Variants in GFRA1 observed in about 807,000 individuals in gnomAD.
GFRA1 encodes the protein GDNF family receptor alpha-1.
Under a neutral mutation model 51.6 loss-of-function variants are expected in GFRA1, and 16 were observed. The observed-to-expected ratio is 0.31, with a 90% CI of 0.21 to 0.47. The LOEUF is 0.47. GFRA1 is among the 20% of genes least tolerant of loss of function. The pLI is 1.00. For synonymous variants in GFRA1, 270 were observed against 241.3 expected, an observed-to-expected ratio of 1.12 and a Z score of -1.10; for missense variants, 530 against 594.3, an observed-to-expected ratio of 0.89 and a Z score of 1.13.
At chr10:116,171,730 G>A (rs972833034) in intron 5 of GFRA1, among the ~76,000 whole-genome samples, 15 of 152,158 alleles carry the variant, frequency 9.9e-5, no homozygotes, top group African/African-American at 4.8e-5. Flanking sequence ...TGTTGGCAGC[G>A]GCTTTCCTTG....
chr10:116,199,582 C>T (rs918434162), intron 5 of GFRA1, among the ~76,000 whole-genome samples: 1 of 152,236 alleles, frequency 6.6e-6, no homozygotes, highest in African/African-American at 2.4e-5. Flanking sequence ...CTATCCACCT[C>T]TCTATCCATC....
At chr10:116,226,581 C>A (rs1966308590) in intron 4 of GFRA1, among the ~76,000 whole-genome samples, 1 of 151,820 alleles carries the variant, frequency 6.6e-6, no homozygotes, top group South Asian at 2.1e-4. Flanking sequence ...TTTTTGGCAC[C>A]AGGGACTGGT....
In GFRA1 at chr10:116,089,793, C is replaced by G. The variant is rs188589811; in HGVS notation, c.1145G>C (p.Gly382Ala). ...RVKNKPLGPA[G>A]SENEIPTHVL... ...ATGAGTGGGAATTTCATTCTCAGAC[C>G]CTGCTGGCCCCAGGGGCTTGTTCTT... The change falls in exon 9 of 11, where the codon GGG (glycine) becomes GCG (alanine). Residue 382 changes from glycine to alanine, a missense_variant. Transcript: ENST00000355422. The G allele has an allele frequency of 4.2e-5, 68 of 1,614,074 alleles. No individual in the cohort carries two copies. The highest frequency in any genetic ancestry group is 3.5e-4 in the Admixed American group (21 of 60,018).
At chr10:116,091,613 A>C (rs1367756551) in intron 8 of GFRA1, among the ~76,000 whole-genome samples, 1 of 152,202 alleles carries the variant, frequency 6.6e-6, no homozygotes, top group East Asian at 1.9e-4. Context: ...TTCCTCCCCC[A>C]AACTAGAAAT....
intron 6 of GFRA1, among the ~76,000 whole-genome samples, chr10:116,122,286 T>C (rs528233523): frequency 1.1e-4 from 17 of 152,206 alleles, no homozygotes; most frequent in African/African-American, 4.1e-4. Context: ...AGCCCAGGGA[T>C]CCTTCACCCC....
intron 4 of GFRA1, among the ~76,000 whole-genome samples, chr10:116,246,536 G>T (rs1037726354): frequency 6.6e-6 from 1 of 152,028 alleles, no homozygotes; most frequent in African/African-American, 2.4e-5. Flanking sequence ...TACAACATAG[G>T]CTAGTAATTA....
chr10:116,128,365 G>A (rs528898763), intron 5 of GFRA1, among the ~76,000 whole-genome samples: 37 of 152,200 alleles, frequency 2.4e-4, no homozygotes, highest in African/African-American at 8.4e-4. Context: ...AAGTCAACAC[G>A]TAACATCTAG....
intron 5 of GFRA1, among the ~76,000 whole-genome samples, chr10:116,144,766 T>C (rs77758294): frequency 0.036 from 5,427 of 152,110 alleles, 334 homozygotes; most frequent in African/African-American, 0.12. Context: ...CATAGGAGAT[T>C]ATGATTTTGA....
intron 9 of GFRA1, among the ~76,000 whole-genome samples, chr10:116,089,498 A>G (rs1428329881): frequency 6.6e-6 from 1 of 152,188 alleles, no homozygotes; most frequent in Non-Finnish European, 1.5e-5. Flanking sequence ...AGGTAAAGAA[A>G]GTAGGGCCAG....
chr10:116,207,382 T>C (rs994976354), intron 5 of GFRA1, among the ~76,000 whole-genome samples: 1 of 152,196 alleles, frequency 6.6e-6, no homozygotes, highest in Non-Finnish European at 1.5e-5. Context: ...CCATTCCAGA[T>C]TCCTGGCTTC....
At chr10:116,081,956 C>G (rs1955869674) in intron 9 of GFRA1, among the ~76,000 whole-genome samples, 1 of 152,110 alleles carries the variant, frequency 6.6e-6, no homozygotes, top group Admixed American at 6.6e-5. Context: ...ATAAGTATAG[C>G]TCATAATTGA....
intron 5 of GFRA1, among the ~76,000 whole-genome samples, chr10:116,194,761 G>A (rs986189913): frequency 6.6e-6 from 1 of 152,046 alleles, no homozygotes; most frequent in Admixed American, 6.6e-5. Context: ...GCATCTTTGC[G>A]CCATTGGTCA....
At chr10:116,116,660 T>C (rs1005080562) in intron 6 of GFRA1, among the ~76,000 whole-genome samples, 1 of 152,216 alleles carries the variant, frequency 6.6e-6, no homozygotes, top group Non-Finnish European at 1.5e-5. Flanking sequence ...CAGCGTGGCC[T>C]GGAAGGGTAT....
chr10:116,117,585 A>ATGGC (rs1957474633), intron 6 of GFRA1, among the ~76,000 whole-genome samples: 1 of 112,232 alleles, frequency 8.9e-6, no homozygotes, highest in Non-Finnish European at 2.1e-5. Flanking sequence ...GGATGGATGG[A>ATGGC]TGGATGGATG....
intron 4 of GFRA1, among the ~76,000 whole-genome samples, chr10:116,258,634 A>G (rs1260093737): frequency 6.6e-6 from 1 of 151,946 alleles, no homozygotes; most frequent in Non-Finnish European, 1.5e-5. Flanking sequence ...ATACATGCAA[A>G]TGGGTGCTAC....
chr10:116,198,792 T>C (rs575836188), intron 5 of GFRA1, among the ~76,000 whole-genome samples: 3 of 152,350 alleles, frequency 2.0e-5, no homozygotes, highest in South Asian at 2.1e-4. Context: ...TCTGTAGTGG[T>C]TGAATAATTC....
intron 4 of GFRA1, among the ~76,000 whole-genome samples, chr10:116,215,792 T>A (rs918483588): frequency 1.3e-5 from 2 of 152,180 alleles, no homozygotes; most frequent in Non-Finnish European, 2.9e-5. Flanking sequence ...GACAACGCTC[T>A]GCTCATACTC....
rs866744443 is a variant in GFRA1 at position 116,148,152 on chromosome 10, G to T, written c.434-22595C>A. Reference sequence around the variant, plus strand: ...TGGGGTGGGGGGTAGGGACTGTTGAGAATTTTGCCTTTTGTCTTCCGGTTT... The same window carrying T: ...TGGGGTGGGGGGTAGGGACTGTTGATAATTTTGCCTTTTGTCTTCCGGTTT... On this transcript the variant is annotated intron_variant, in intron 5 of 10. Transcript: ENST00000355422. Among the ~76,000 whole-genome samples, 139 of 147,820 alleles carry T rather than the reference G, an allele frequency of 9.4e-4. 1 individual carries two copies. Among genetic ancestry groups the T allele is most frequent in the African/African-American group, 3.5e-3 (131 of 37,968 alleles).
At chr10:116,212,784 C>T (rs1296490922) in intron 4 of GFRA1, among the ~76,000 whole-genome samples, 1 of 152,164 alleles carries the variant, frequency 6.6e-6, no homozygotes, top group Non-Finnish European at 1.5e-5. Context: ...TATTTCTCCA[C>T]TCGAATGTTG....
Sources: allele counts gnomAD v4.1 joint callset (sites outside exome capture counted in the v4.1 genomes callset), GRCh38; gene constraint gnomAD v4.1.1; transcripts MANE v1.5; gene names NCBI Gene and HGNC (gene_info 2026-07-23, HGNC 2026-07-21).